Variants in HK1 observed in about 807,000 individuals in gnomAD.
HK1 encodes the protein hexokinase-1.
Under a neutral mutation model 91.6 loss-of-function variants are expected in HK1, and 28 were observed. That is an observed-to-expected ratio of 0.31 (90% CI 0.23 to 0.42). The LOEUF (loss-of-function observed/expected upper bound fraction) is 0.42. HK1 is among the 10% of genes least tolerant of loss of function. The probability of loss-of-function intolerance (pLI) is 1.00; values close to 1 mark genes in which losing one functional copy is unlikely to be tolerated. For missense variants in HK1, 770 were observed against 1,219.8 expected (o/e 0.63, Z 5.49); for synonymous variants, 430 against 468.1 (o/e 0.92, Z 1.05).
At chr10:69,327,851 T>TG (rs1451771581) in intron 1 of HK1, among the ~76,000 whole-genome samples, 3 of 152,236 alleles carry the variant, frequency 2.0e-5, no homozygotes, top group Non-Finnish European at 4.4e-5. Flanking sequence ...TGAGTTACCT[T>TG]ATCAGAGTCC....
chr10:69,396,843 G>A (rs567284933), intron 16 of HK1, among the ~76,000 whole-genome samples: 1 of 151,924 alleles, frequency 6.6e-6, no homozygotes, highest in African/African-American at 2.4e-5. Flanking sequence ...CACCATGCAC[G>A]CCCGGCTAAT....
At chr10:69,375,951 G>A (rs1252883201) in intron 7 of HK1, among the ~76,000 whole-genome samples, 1 of 152,172 alleles carries the variant, frequency 6.6e-6, no homozygotes, top group African/African-American at 2.4e-5. Context: ...GGAGCTGTGC[G>A]GTGAGCTGAT....
At chr10:69,275,846 T>C (rs1275457890) in intron 1 of HK1, among the ~76,000 whole-genome samples, 2 of 151,846 alleles carry the variant, frequency 1.3e-5, no homozygotes, top group Non-Finnish European at 2.9e-5. Context: ...TCCCAGCACT[T>C]TGGGAGGCCG....
At chr10:69,313,488 A>T (rs1318497604), upstream of HK1, among the ~76,000 whole-genome samples, 2 of 152,018 alleles carry the variant, frequency 1.3e-5, no homozygotes, top group Non-Finnish European at 2.9e-5. Context: ...TTGAGACGGA[A>T]TTTCGCTTTT....
intron 13 of HK1, among the ~76,000 whole-genome samples, chr10:69,387,141 A>G (rs1240525016): frequency 9.9e-5 from 15 of 152,220 alleles, no homozygotes; most frequent in African/African-American, 3.6e-4. Flanking sequence ...GATTTAGACA[A>G]GAATAAGACC....
intron 1 of HK1, among the ~76,000 whole-genome samples, chr10:69,280,738 G>T (rs1844705956): frequency 6.6e-6 from 1 of 152,162 alleles, no homozygotes; most frequent in African/African-American, 2.4e-5. Context: ...TCTTGGATTT[G>T]CCAGCCTCCA....
At chr10:69,319,218 A>G (rs376419779) in intron 1 of HK1, 5 of 655,862 alleles carry the variant, frequency 7.6e-6, no homozygotes, top group Middle Eastern at 4.2e-4. Flanking sequence ...GAGGGGGGCA[A>G]TCGGGCGGAA....
chr10:69,391,738 A>ATATTCATG (rs1839905711), intron 14 of HK1, among the ~76,000 whole-genome samples: 1 of 152,230 alleles, frequency 6.6e-6, no homozygotes, highest in Non-Finnish European at 1.5e-5. Context: ...TATATATTGT[A>ATATTCATG]TATTCATGTG....
chr10:69,335,131 C>T (rs985576160), intron 1 of HK1, among the ~76,000 whole-genome samples: 2 of 152,112 alleles, frequency 1.3e-5, no homozygotes, highest in African/African-American at 2.4e-5. Context: ...GACCGGCTGC[C>T]GAGAGCAGGA....
At chr10:69,292,627 C>A (rs1435561006) in intron 3 of HK1, among the ~76,000 whole-genome samples, 1 of 152,210 alleles carries the variant, frequency 6.6e-6, no homozygotes, top group African/African-American at 2.4e-5. Flanking sequence ...AATATTTATG[C>A]TGTGCTTTCT....
chr10:69,392,263 A>G lies in HK1; in HGVS notation c.2174A>G (p.Tyr725Cys). Residue 725 changes from tyrosine to cysteine, a missense_variant, in exon 15 of 18, where the codon TAC becomes TGC. Around this residue, in one of 7 missense-constraint regions of HK1, gnomAD observed 152 missense variants for 211.1 expected, o/e 0.72. Transcript: ENST00000359426. ...TGTCTGGATGATATCAGGACACACT[A>G]CGACAGACTGGTGGACGAATATTCC... Reference protein sequence around the residue: ...NGCLDDIRTHYDRLVDEYSLN... With the variant: ...NGCLDDIRTHCDRLVDEYSLN... 6.2e-7 allele frequency: 1 copy of G among 1,614,236 alleles called. No homozygotes were observed. Among genetic ancestry groups the G allele is most frequent in the South Asian group, 1.1e-5 (1 of 91,088 alleles).
At chr10:69,287,158 A>G (rs1302408861) in intron 2 of HK1, among the ~76,000 whole-genome samples, 2 of 152,214 alleles carry the variant, frequency 1.3e-5, no homozygotes, top group East Asian at 3.8e-4. Flanking sequence ...AAAGAGGTTT[A>G]ATTGACTTAC....
chr10:69,389,049 CATT>C, intron 13 of HK1, 145 bp from the exon 14 acceptor site: 1 of 700,924 alleles, frequency 1.4e-6, no homozygotes, highest in Non-Finnish European at 2.6e-6. Flanking sequence ...TGTGAAGGAA[CATT>C]CATTACCTTT....
chr10:69,292,693 C>T (rs1051063709), intron 3 of HK1, among the ~76,000 whole-genome samples: 1 of 152,114 alleles, frequency 6.6e-6, no homozygotes, highest in Non-Finnish European at 1.5e-5. Flanking sequence ...AGATAAAGGG[C>T]TGAGGAGGGC....
intron 3 of HK1, among the ~76,000 whole-genome samples, chr10:69,360,955 G>A (rs1345229779): frequency 6.6e-6 from 1 of 152,196 alleles, no homozygotes; most frequent in African/African-American, 2.4e-5. Context: ...CTTTAAGGAG[G>A]GTGTGCTCAC....
At chr10:69,303,654 A>G (rs1845979726) in intron 5 of HK1, among the ~76,000 whole-genome samples, 1 of 151,142 alleles carries the variant, frequency 6.6e-6, no homozygotes, top group East Asian at 2.0e-4. Flanking sequence ...GATTACCCTT[A>G]TGGCAGGTAG....
intron 1 of HK1, among the ~76,000 whole-genome samples, chr10:69,325,343 A>G (rs60575689): frequency 0.045 from 6,708 of 147,940 alleles, 276 homozygotes; most frequent in African/African-American, 0.11. Flanking sequence ...GAGCCACCAC[A>G]CCCGGCCATG....
chr10:69,276,617 C>G (rs1284187064), intron 1 of HK1, among the ~76,000 whole-genome samples: 1 of 151,586 alleles, frequency 6.6e-6, no homozygotes, highest in Non-Finnish European at 1.5e-5. Context: ...TGAGATCGTG[C>G]CACTGCCCTC....
intron 2 of HK1, among the ~76,000 whole-genome samples, chr10:69,355,368 A>T (rs1020744628): frequency 2.0e-5 from 3 of 152,246 alleles, no homozygotes; most frequent in Non-Finnish European, 2.9e-5. Context: ...CATGAAAAAG[A>T]AGAACAAAGC....
Sources: gnomAD v4.1 joint callset for allele counts (sites outside exome capture counted in the v4.1 genomes callset) on GRCh38, gnomAD v4.1.1 for gene constraint, gnomAD v4.1.1 regional missense constraint, MANE v1.5 for transcripts, NCBI Gene and HGNC (gene_info 2026-07-23, HGNC 2026-07-21) for gene names.